Variants in XRCC4 observed in about 807,000 individuals in gnomAD.
XRCC4 encodes X-ray repair cross complementing 4.
In XRCC4, 28 loss-of-function variants were observed where a neutral mutation model predicts 39.1. The ratio of observed to expected loss-of-function variants is 0.72; its 90% CI spans 0.53 to 0.98. The LOEUF (loss-of-function observed/expected upper bound fraction) is 0.98, where lower values mean the gene tolerates loss of function less well. XRCC4 is among the 50% of genes least tolerant of loss of function. The pLI is 0.00. For synonymous variants in XRCC4, 123 were observed against 126.4 expected, an observed-to-expected ratio of 0.97 and a Z score of 0.18; for missense variants, 350 against 376.4, an observed-to-expected ratio of 0.93 and a Z score of 0.58.
At chr5:83,181,954 G>C (rs1750226135) in intron 3 of XRCC4, among the ~76,000 whole-genome samples, 1 of 152,050 alleles carries the variant, frequency 6.6e-6, no homozygotes, top group South Asian at 2.1e-4. Flanking sequence ...GGCAATTCTG[G>C]GAGAGCCAAA....
chr5:83,305,161 A>G (rs1010893564), intron 7 of XRCC4, among the ~76,000 whole-genome samples: 5 of 152,124 alleles, frequency 3.3e-5, no homozygotes. Context: ...CATAGTACAG[A>G]GTTCCCATAT....
At position 83,291,951 on chromosome 5, in the gene XRCC4, C is replaced by CTCTG. The variant is rs1554072284; in HGVS notation, c.893+33275_893+33276insCTGT. 2.9e-3 allele frequency among the ~76,000 whole-genome samples: 422 copies of CTCTG among 144,026 alleles called. 1 individual carries two copies. The highest frequency in any genetic ancestry group is 7.4e-3 in the Admixed American group (105 of 14,254). The allele number at this position is 144,026 out of a possible 152,430, so 94.5% of individuals were successfully genotyped here. On this transcript the variant is annotated intron_variant, in intron 7 of 7. Transcript: ENST00000396027. ...TACTATATATGTTATATGTGTATTT[C>CTCTG]TGTGTGTGTGTGTGTGTGTGTGTGT...
chr5:83,168,939 A>C lies in XRCC4; in HGVS notation c.316-26831A>C, dbSNP rs527861519. Among the ~76,000 whole-genome samples, 4 of 152,270 alleles carry C rather than the reference A, an allele frequency of 2.6e-5. No individual in the cohort carries two copies. In the South Asian group the frequency reaches 8.3e-4, roughly 32 times the overall value. The stretch of plus-strand genomic sequence containing the variant: ...CTAAGAAAGAGGGTGTATAACAAAG[A>C]GAATCCCCGGAATGATGCTGATGGG... On this transcript the variant is annotated intron_variant, in intron 3 of 7. Coordinates refer to ENST00000396027, the MANE Select transcript of XRCC4 (RefSeq NM_003401.5).
At chr5:83,242,588 A>G (rs1752955237) in intron 6 of XRCC4, among the ~76,000 whole-genome samples, 1 of 151,988 alleles carries the variant, frequency 6.6e-6, no homozygotes, top group Non-Finnish European at 1.5e-5. Flanking sequence ...TGTTTGGTCT[A>G]CAGGTGTGCG....
intron 7 of XRCC4, among the ~76,000 whole-genome samples, chr5:83,308,203 T>C (rs1755555084): frequency 6.6e-6 from 1 of 152,198 alleles, no homozygotes. Flanking sequence ...AAAACAAAGC[T>C]TGAGCCCTGT....
chr5:83,364,679 G>A, the XRCC4 span, among the ~76,000 whole-genome samples: 1 of 152,178 alleles, frequency 6.6e-6, no homozygotes, highest in South Asian at 2.1e-4. Context: ...CTATGAAGAG[G>A]ACACCTACAG....
At chr5:83,285,701 AG>A (rs1378564493) in intron 7 of XRCC4, among the ~76,000 whole-genome samples, 1 of 152,104 alleles carries the variant, frequency 6.6e-6, no homozygotes, top group African/African-American at 2.4e-5. Context: ...ATATCGGTCA[AG>A]GGGGGGTTGT....
intron 1 of XRCC4, among the ~76,000 whole-genome samples, chr5:83,090,598 G>A (rs1190661007): frequency 6.6e-6 from 1 of 152,136 alleles, no homozygotes; most frequent in African/African-American, 2.4e-5. Flanking sequence ...TGCATGGGAG[G>A]AATGGAGGGT....
chr5:83,233,611 G>C (rs1752575671), intron 6 of XRCC4, among the ~76,000 whole-genome samples: 2 of 151,856 alleles, frequency 1.3e-5, no homozygotes, highest in South Asian at 4.1e-4. Flanking sequence ...TTATAGGCCA[G>C]GCACGGTGGC....
intron 7 of XRCC4, among the ~76,000 whole-genome samples, chr5:83,330,828 A>G (rs1290355145): frequency 6.6e-6 from 1 of 152,100 alleles, no homozygotes; most frequent in Non-Finnish European, 1.5e-5. Context: ...TGCTGGTAAG[A>G]AAACATTTTA....
At chr5:83,221,650 G>C (rs1011964270) in intron 6 of XRCC4, among the ~76,000 whole-genome samples, 1 of 151,768 alleles carries the variant, frequency 6.6e-6, no homozygotes, top group African/African-American at 2.4e-5. Context: ...TTTTTTGGTG[G>C]TTCTGTTACA....
chr5:83,351,775 G>A (rs1180519751), intron 7 of XRCC4, among the ~76,000 whole-genome samples: 2 of 152,126 alleles, frequency 1.3e-5, no homozygotes, highest in Admixed American at 1.3e-4. Context: ...AGGTCTAGTG[G>A]CAGCCAACTG....
At chr5:83,291,309 G>C (rs1561457670) in intron 7 of XRCC4, among the ~76,000 whole-genome samples, 1 of 151,634 alleles carries the variant, frequency 6.6e-6, no homozygotes, top group Non-Finnish European at 1.5e-5. Context: ...TACTACACTA[G>C]GTAATTAGTA....
intron 7 of XRCC4, among the ~76,000 whole-genome samples, chr5:83,310,179 G>A (rs909680137): frequency 2.7e-4 from 41 of 152,156 alleles, no homozygotes; most frequent in African/African-American, 9.9e-4. Context: ...GAAGTGATGG[G>A]GGAAGATTTT....
chr5:83,369,021 A>C, the XRCC4 span, among the ~76,000 whole-genome samples: 77 of 152,300 alleles, frequency 5.1e-4, no homozygotes, highest in African/African-American at 1.9e-3. Flanking sequence ...ACAATATTTC[A>C]ACTAGAGGTA....
At chr5:83,316,202 A>G (rs1403398514) in intron 7 of XRCC4, among the ~76,000 whole-genome samples, 1 of 152,112 alleles carries the variant, frequency 6.6e-6, no homozygotes, top group Admixed American at 6.6e-5. Flanking sequence ...GCAGTCTTAC[A>G]GTAAAATTTG....
chr5:83,272,667 G>T (rs1310259567), intron 7 of XRCC4, among the ~76,000 whole-genome samples: 1 of 152,082 alleles, frequency 6.6e-6, no homozygotes, highest in East Asian at 1.9e-4. Flanking sequence ...TTATGAGTCA[G>T]AACATGCAGT....
In XRCC4 at chr5:83,250,464, G is replaced by A. The variant is rs141998592; in HGVS notation, c.746-8066G>A. ...AATATTTATTGAGAAATTACTTAGT[G>A]TTACACACCATTCTAGTCTGTCTTG... is the stretch of plus-strand genomic sequence containing the variant. On this transcript the variant is annotated intron_variant, in intron 6 of 7. Coordinates refer to ENST00000396027, the MANE Select transcript of XRCC4 (RefSeq NM_003401.5). Among the ~76,000 whole-genome samples the A allele has an allele frequency of 3.5e-3, 530 of 152,252 alleles. 4 individuals are homozygous for A. Among genetic ancestry groups the A allele is most frequent in the Middle Eastern group, 0.027 (8 of 294 alleles).
At chr5:83,171,488 A>G (rs1749721678) in intron 3 of XRCC4, among the ~76,000 whole-genome samples, 1 of 152,174 alleles carries the variant, frequency 6.6e-6, no homozygotes, top group African/African-American at 2.4e-5. Flanking sequence ...CACTTAAAAA[A>G]AAAATCTAAG....
Sources: gnomAD v4.1 joint callset for allele counts (sites outside exome capture counted in the v4.1 genomes callset) on GRCh38, gnomAD v4.1.1 for gene constraint, MANE v1.5 for transcripts, NCBI Gene and HGNC (gene_info 2026-07-23, HGNC 2026-07-21) for gene names.